MYO5A: variants seen among roughly 807,000 people sequenced by gnomAD.
MYO5A encodes the protein myosin VA, also known as unconventional myosin-Va.
A neutral mutation model predicts 249.7 loss-of-function variants in MYO5A; 98 were observed. The ratio of observed to expected loss-of-function variants is 0.39; its 90% CI spans 0.33 to 0.46. The LOEUF is 0.46. MYO5A is among the 20% of genes least tolerant of loss of function. MYO5A has a pLI of 0.98. For missense variants in MYO5A, 1,696 were observed against 2,308.8 expected (o/e 0.73, Z 5.44); for synonymous variants, 778 against 810.6 (o/e 0.96, Z 0.68).
chr15:52,313,943 A>G (rs1416507584), intron 41 of MYO5A, 95 bp from the exon 42 acceptor site: 1 of 1,470,588 alleles, frequency 6.8e-7, no homozygotes, highest in African/African-American at 1.4e-5. Context: ...ATTCTCAACT[A>G]ATGAAGAATG....
At chr15:52,402,553 GC>G (rs1376555012) in intron 9 of MYO5A, among the ~76,000 whole-genome samples, 1 of 152,070 alleles carries the variant, frequency 6.6e-6, no homozygotes, top group Non-Finnish European at 1.5e-5. Context: ...AACTTTTAAA[GC>G]TCATTTAAGG....
intron 1 of MYO5A, chr15:52,505,329 C>T (rs1045312408): frequency 2.2e-5 from 17 of 777,474 alleles, no homozygotes; most frequent in African/African-American, 5.1e-5. Flanking sequence ...CACTGCCTGC[C>T]GACTTGTGTC....
chr15:52,495,276 T>A (rs1000715943), intron 1 of MYO5A, among the ~76,000 whole-genome samples: 2 of 152,190 alleles, frequency 1.3e-5, no homozygotes, highest in Non-Finnish European at 2.9e-5. Context: ...GGACATTATG[T>A]TAAGTGAAAT....
rs374536383 is a variant in MYO5A, at chr15:52,495,658, A to G, written c.27+33122T>C. Among the ~76,000 whole-genome samples, 6 of 152,344 alleles carry G rather than the reference A, an allele frequency of 3.9e-5. No individual in the cohort carries two copies. In the East Asian group the frequency reaches 7.7e-4, roughly 20 times the overall value. On this transcript the variant is annotated intron_variant, in intron 1 of 41. Coordinates refer to ENST00000399233, the MANE Select transcript of MYO5A (RefSeq NM_001382347.1). ...CATATTGTAAGCCACAAATATATAC[A>G]GTATTTACTTGTCAATTAAAATAAG...
chr15:52,322,187 T>G (rs774765850), intron 37 of MYO5A, among the ~76,000 whole-genome samples: 1 of 152,262 alleles, frequency 6.6e-6, no homozygotes, highest in African/African-American at 2.4e-5. Context: ...GCCAAGCATC[T>G]GCCTCCTTAC....
chr15:52,415,345 A>T (rs1172064735), intron 5 of MYO5A, among the ~76,000 whole-genome samples: 1 of 152,256 alleles, frequency 6.6e-6, no homozygotes, highest in African/African-American at 2.4e-5. Flanking sequence ...ATATAAAACT[A>T]TAACTTTCCA....
At chr15:52,399,140 T>G (rs1252786034) in intron 9 of MYO5A, among the ~76,000 whole-genome samples, 1 of 152,258 alleles carries the variant, frequency 6.6e-6, no homozygotes, top group African/African-American at 2.4e-5. Context: ...TTACTCATTT[T>G]GGACTTCACC....
At chr15:52,314,000 CA>C (rs2037870111) in intron 41 of MYO5A, 122 bp downstream of exon 41, 3 of 1,298,074 alleles carry the variant, frequency 2.3e-6, no homozygotes, top group Non-Finnish European at 3.3e-6. Context: ...TAACTATTAT[CA>C]AAAAAGTTAG....
At chr15:52,402,329 T>C (rs1292731627) in intron 9 of MYO5A, among the ~76,000 whole-genome samples, 1 of 152,180 alleles carries the variant, frequency 6.6e-6, no homozygotes, top group Non-Finnish European at 1.5e-5. Context: ...GTTTTCTTTA[T>C]ACTCTTGGAG....
intron 1 of MYO5A, among the ~76,000 whole-genome samples, chr15:52,470,948 G>A (rs570281011): frequency 4.6e-5 from 7 of 151,124 alleles, no homozygotes; most frequent in Admixed American, 1.3e-4. Context: ...GCTTGAACCC[G>A]GGAGGCAGAG....
In MYO5A at chr15:52,411,126, G is replaced by C. The variant is rs187880815; in HGVS notation, c.613-650C>G. Among the ~76,000 whole-genome samples, 6 of 152,292 alleles carry C rather than the reference G, an allele frequency of 3.9e-5. No homozygotes were observed. The East Asian group carries it at 1.2e-3, about 29-fold the overall frequency. On this transcript the variant is annotated intron_variant, in intron 5 of 41. Coordinates refer to ENST00000399233, the MANE Select transcript of MYO5A (RefSeq NM_001382347.1). Reference sequence around the variant, plus strand: ...CGAGGATGGGAGCTGCCAAGGCATAGGCTTTGTTAGGTAAGCTTCAGGTTT... The same window carrying C: ...CGAGGATGGGAGCTGCCAAGGCATACGCTTTGTTAGGTAAGCTTCAGGTTT...
chr15:52,434,824 C>T (rs2075626021), intron 1 of MYO5A, among the ~76,000 whole-genome samples: 1 of 151,276 alleles, frequency 6.6e-6, no homozygotes, highest in African/African-American at 2.5e-5. Flanking sequence ...TAGATTCAGC[C>T]AGCAAGGGAA....
chr15:52,360,096 AC>A lies in MYO5A; in HGVS notation c.3310-16del. 6.5e-7 allele frequency: 1 copy of A among 1,542,496 alleles called. No individual in the cohort carries two copies. The highest frequency in any genetic ancestry group is 9.0e-7 in the Non-Finnish European group (1 of 1,116,336). The stretch of plus-strand genomic sequence containing the variant: ...TTAGGCACATGCTGCAAGGCAAATA[AC>A]CCAGGTATAATTAATGCAACATAAT... On this transcript the variant is annotated splice_polypyrimidine_tract_variant and intron_variant, in intron 24 of 41. Coordinates refer to ENST00000399233, the MANE Select transcript of MYO5A (RefSeq NM_001382347.1).
At chr15:52,349,999 C>A (rs2039861614) in intron 28 of MYO5A, among the ~76,000 whole-genome samples, 1 of 152,258 alleles carries the variant, frequency 6.6e-6, no homozygotes, top group African/African-American at 2.4e-5. Flanking sequence ...GTGGCACGAT[C>A]TCGGCTCACT....
At chr15:52,472,855 G>A (rs11858321) in intron 1 of MYO5A, among the ~76,000 whole-genome samples, 22,841 of 152,184 alleles carry the variant, frequency 0.15, 1,828 homozygotes, top group Middle Eastern at 0.22. Context: ...ATAAACATAC[G>A]TGTACATGTG....
intron 28 of MYO5A, among the ~76,000 whole-genome samples, chr15:52,350,581 C>T (rs944541258): frequency 6.6e-6 from 1 of 152,106 alleles, no homozygotes; most frequent in African/African-American, 2.4e-5. Flanking sequence ...GGAGGCAGGC[C>T]AGGTTTTCAA....
At chr15:52,482,527 T>C (rs946757155) in intron 1 of MYO5A, among the ~76,000 whole-genome samples, 3 of 152,128 alleles carry the variant, frequency 2.0e-5, no homozygotes, top group Admixed American at 1.3e-4. Context: ...ACAGAAGCAA[T>C]ACAGACACCA....
chr15:52,438,154 C>T (rs2075706038), intron 1 of MYO5A: 1 of 580,466 alleles, frequency 1.7e-6, no homozygotes, highest in Non-Finnish European at 2.2e-6. Flanking sequence ...GAAATCTCAA[C>T]CTGATATGCC....
chr15:52,490,540 C>T (rs1191112858), intron 1 of MYO5A, among the ~76,000 whole-genome samples: 2 of 152,124 alleles, frequency 1.3e-5, no homozygotes, highest in Non-Finnish European at 2.9e-5. Context: ...AAGACAAATA[C>T]TATATGATTC....
Sources: allele counts gnomAD v4.1 joint callset (sites outside exome capture counted in the v4.1 genomes callset), GRCh38; gene constraint gnomAD v4.1.1; transcripts MANE v1.5; gene names NCBI Gene and HGNC (gene_info 2026-07-23, HGNC 2026-07-21).